Variants in SH3RF3 observed in about 807,000 individuals in gnomAD.
SH3RF3 encodes the protein E3 ubiquitin-protein ligase SH3RF3.
Under a neutral mutation model 66.3 loss-of-function variants are expected in SH3RF3, and 29 were observed. The observed-to-expected ratio is 0.44, with a 90% confidence interval of 0.33 to 0.60. The LOEUF (loss-of-function observed/expected upper bound fraction) is 0.60, where lower values mean the gene tolerates loss of function less well. Ranked by LOEUF, SH3RF3 falls within the 20% of genes least tolerant of loss-of-function variation. SH3RF3 has a pLI of 0.04. For missense variants in SH3RF3, 1,194 were observed against 1,190.9 expected (o/e 1.00, Z -0.04); for synonymous variants, 583 against 532.0 (o/e 1.10, Z -1.32).
chr2:109,318,257 G>T (rs180930938), intron 1 of SH3RF3, among the ~76,000 whole-genome samples: 1 of 152,146 alleles, frequency 6.6e-6, no homozygotes, highest in Admixed American at 6.5e-5. Context: ...AAATTTGAGC[G>T]CAGCCCCAGA....
intron 1 of SH3RF3, among the ~76,000 whole-genome samples, chr2:109,196,046 C>T (rs1678491769): frequency 6.6e-6 from 1 of 152,224 alleles, no homozygotes; most frequent in African/African-American, 2.4e-5. Context: ...AGTGGGAATC[C>T]AGGTGATGTC....
At chr2:109,250,308 G>C (rs2105256831) in intron 1 of SH3RF3, among the ~76,000 whole-genome samples, 1 of 152,142 alleles carries the variant, frequency 6.6e-6, no homozygotes, top group East Asian at 1.9e-4. Flanking sequence ...TGGTTGGACA[G>C]AGCCAACGTG....
At chr2:109,336,007 G>C (rs1253210131) in intron 1 of SH3RF3, among the ~76,000 whole-genome samples, 2 of 152,224 alleles carry the variant, frequency 1.3e-5, no homozygotes, top group Non-Finnish European at 2.9e-5. Flanking sequence ...GCTGATTTAA[G>C]TGACTGGCAA....
At chr2:109,398,548 C>T (rs1676213473) in intron 3 of SH3RF3, 42 bp from the exon 4 acceptor site, 1 of 1,492,684 alleles carries the variant, frequency 6.7e-7, no homozygotes, top group African/African-American at 1.4e-5. Flanking sequence ...TGGCATGTGA[C>T]CATGATTTAA....
chr2:109,413,601 C>T (rs549813399), intron 4 of SH3RF3, among the ~76,000 whole-genome samples: 1 of 152,266 alleles, frequency 6.6e-6, no homozygotes, highest in Non-Finnish European at 1.5e-5. Context: ...TCTACAAGCC[C>T]AAATCACCAG....
chr2:109,276,991 G>A (rs1203750645), intron 1 of SH3RF3, among the ~76,000 whole-genome samples: 1 of 152,132 alleles, frequency 6.6e-6, no homozygotes, highest in African/African-American at 2.4e-5. Context: ...AGGAGCAGTG[G>A]GCAAATGGAC....
chr2:109,374,531 G>A (rs1246414520), intron 3 of SH3RF3, among the ~76,000 whole-genome samples: 1 of 152,236 alleles, frequency 6.6e-6, no homozygotes, highest in East Asian at 1.9e-4. Context: ...TTGGGTGTTT[G>A]CAGGGTTCCT....
At chr2:109,320,103 C>CCAAGTCCTA (rs1337376155) in intron 1 of SH3RF3, among the ~76,000 whole-genome samples, 2 of 152,178 alleles carry the variant, frequency 1.3e-5, no homozygotes, top group African/African-American at 4.8e-5. Context: ...AGGCCTGGAA[C>CCAAGTCCTA]CAAGTCCTAC....
At chr2:109,242,416 A>C (rs1298483007) in intron 1 of SH3RF3, among the ~76,000 whole-genome samples, 43 of 152,264 alleles carry the variant, frequency 2.8e-4, no homozygotes, top group Non-Finnish European at 2.5e-4. Flanking sequence ...CCCATAGAGC[A>C]GCCCGTGCCT....
intron 1 of SH3RF3, among the ~76,000 whole-genome samples, chr2:109,190,863 A>G (rs1678336758): frequency 6.6e-6 from 1 of 151,842 alleles, no homozygotes; most frequent in Non-Finnish European, 1.5e-5. Flanking sequence ...CACTTACTGT[A>G]TGTAAAGCAC....
At chr2:109,405,533 C>T (rs546422474) in intron 4 of SH3RF3, among the ~76,000 whole-genome samples, 4 of 152,128 alleles carry the variant, frequency 2.6e-5, no homozygotes, top group Admixed American at 6.6e-5. Flanking sequence ...CATTTCTCCC[C>T]GAAACTGCCG....
At chr2:109,495,189 G>C (rs1260092883) in intron 9 of SH3RF3, among the ~76,000 whole-genome samples, 2 of 152,210 alleles carry the variant, frequency 1.3e-5, no homozygotes, top group African/African-American at 4.8e-5. Flanking sequence ...TCCAGAAGTT[G>C]CTTGTGGAAC....
chr2:109,316,959 A>G (rs559986702), intron 1 of SH3RF3, among the ~76,000 whole-genome samples: 27 of 152,052 alleles, frequency 1.8e-4, no homozygotes, highest in African/African-American at 6.5e-4. Context: ...AGGTTCCTCC[A>G]TGTCTTTTCA....
chr2:109,146,246 A>G (rs1677092379), intron 1 of SH3RF3, among the ~76,000 whole-genome samples: 1 of 152,210 alleles, frequency 6.6e-6, no homozygotes, highest in Non-Finnish European at 1.5e-5. Flanking sequence ...GGCTGCTCTT[A>G]TAGCCAGATT....
At chr2:109,374,137 C>T (rs1410687930) in intron 3 of SH3RF3, among the ~76,000 whole-genome samples, 1 of 152,180 alleles carries the variant, frequency 6.6e-6, no homozygotes, top group East Asian at 1.9e-4. Flanking sequence ...GGTTCTGCCT[C>T]CACTCTTGGG....
intron 3 of SH3RF3, among the ~76,000 whole-genome samples, chr2:109,376,360 G>A (rs1683383630): frequency 6.6e-6 from 1 of 152,230 alleles, no homozygotes; most frequent in Non-Finnish European, 1.5e-5. Context: ...TGTCAGGAAA[G>A]GAATCAGCTC....
chr2:109,372,007 T>C (rs1275146510), intron 3 of SH3RF3, among the ~76,000 whole-genome samples: 1 of 151,956 alleles, frequency 6.6e-6, no homozygotes, highest in Non-Finnish European at 1.5e-5. Context: ...CTTCTCCAAC[T>C]CCCCCAAGTG....
chr2:109,399,455 T>G (rs1487518173), intron 4 of SH3RF3, among the ~76,000 whole-genome samples: 1 of 152,096 alleles, frequency 6.6e-6, no homozygotes, highest in African/African-American at 2.4e-5. Flanking sequence ...CTAGTTTTTT[T>G]TTTTTGTAAA....
chr2:109,480,261 C>T (rs1678802794), intron 8 of SH3RF3, among the ~76,000 whole-genome samples: 2 of 152,212 alleles, frequency 1.3e-5, no homozygotes, highest in Non-Finnish European at 2.9e-5. Context: ...GGCGGCATCT[C>T]CCAGGTGCCC....
Sources: allele counts gnomAD v4.1 joint callset (sites outside exome capture counted in the v4.1 genomes callset), GRCh38; gene constraint gnomAD v4.1.1; transcripts MANE v1.5; gene names NCBI Gene and HGNC (gene_info 2026-07-23, HGNC 2026-07-21).